SYN2: variants seen among roughly 807,000 people sequenced by gnomAD.
The protein encoded by SYN2 is synapsin-2.
SYN2 carries 19 observed loss-of-function variants against 50.9 expected under a neutral mutation model. The ratio of observed to expected loss-of-function variants is 0.37; its 90% CI spans 0.26 to 0.55. The LOEUF is 0.55. SYN2 is among the 20% of genes least tolerant of loss of function. The pLI is 0.81. For synonymous variants in SYN2, 255 were observed against 224.9 expected, an observed-to-expected ratio of 1.13 and a Z score of -1.20; for missense variants, 587 against 576.4, an observed-to-expected ratio of 1.02 and a Z score of -0.19.
intron 5 of SYN2, 139 bp from the exon 6 acceptor site, chr3:12,161,407 T>A: frequency 1.1e-6 from 1 of 951,178 alleles, no homozygotes; most frequent in East Asian, 2.6e-5. Context: ...GGGTCTCAGT[T>A]TTTTAATCTG....
intron 4 of SYN2, among the ~76,000 whole-genome samples, chr3:12,146,536 T>A (rs1697153703): frequency 6.6e-6 from 1 of 152,190 alleles, no homozygotes; most frequent in Admixed American, 6.5e-5. Flanking sequence ...AAGGAAGATA[T>A]CATTATTGTC....
intron 1 of SYN2, among the ~76,000 whole-genome samples, chr3:12,080,504 T>C (rs1425307968): frequency 6.6e-6 from 1 of 152,224 alleles, no homozygotes; most frequent in Admixed American, 6.5e-5. Flanking sequence ...ACATTGTCAC[T>C]TTGTTCTCGT....
intron 2 of SYN2, among the ~76,000 whole-genome samples, chr3:12,141,467 T>C (rs911561300): frequency 6.6e-5 from 10 of 152,224 alleles, no homozygotes; most frequent in African/African-American, 2.4e-4. Flanking sequence ...TTGCTTAATG[T>C]TTTATGCAGC....
At chr3:12,120,008 T>G (rs1696518059) in intron 1 of SYN2, among the ~76,000 whole-genome samples, 1 of 152,128 alleles carries the variant, frequency 6.6e-6, no homozygotes, top group African/African-American at 2.4e-5. Flanking sequence ...TCTGAATTTT[T>G]TTTCTAACAA....
chr3:12,020,826 A>C (rs918279854), intron 1 of SYN2, among the ~76,000 whole-genome samples: 5 of 152,340 alleles, frequency 3.3e-5, no homozygotes, highest in Non-Finnish European at 5.9e-5. Flanking sequence ...CCCTGTCTTC[A>C]CAAAGCCTAT....
At chr3:12,184,680 G>C (rs1288739689) in intron 11 of SYN2, 1 of 985,804 alleles carries the variant, frequency 1.0e-6, no homozygotes, top group Non-Finnish European at 1.2e-6. Context: ...CTCCACAGCG[G>C]TGGCTCTTGA....
intron 1 of SYN2, among the ~76,000 whole-genome samples, chr3:12,024,668 C>T (rs1408951335): frequency 6.6e-6 from 1 of 152,172 alleles, no homozygotes; most frequent in Non-Finnish European, 1.5e-5. Context: ...GAATATATCA[C>T]AGTTTATGCA....
At chr3:12,093,044 A>G (rs1325597665) in intron 1 of SYN2, among the ~76,000 whole-genome samples, 1 of 151,954 alleles carries the variant, frequency 6.6e-6, no homozygotes, top group Non-Finnish European at 1.5e-5. Flanking sequence ...TAAAGTTATT[A>G]TTTTTCCTCT....
At chr3:12,127,822 C>CTT (rs1308895562) in intron 1 of SYN2, among the ~76,000 whole-genome samples, 1 of 152,180 alleles carries the variant, frequency 6.6e-6, no homozygotes, top group African/African-American at 2.4e-5. Flanking sequence ...GAGGAGATCT[C>CTT]TTTTATTTCC....
At position 12,151,239 on chromosome 3, in the gene SYN2, T is replaced by C; in HGVS notation, c.687T>C (p.Phe229=). 1.9e-6 allele frequency: 3 copies of C among 1,611,266 alleles called. No individual in the cohort carries two copies. Among genetic ancestry groups the C allele is most frequent in the Non-Finnish European group, 2.5e-6 (3 of 1,178,822 alleles). ...TAACATTTGCTTTTCTTTTGCAGTT[T>C]GCCCAGCTGGTCGCTATCTATAAGA... The part of the protein sequence containing the change: ...IYNFCDKPWV[F]AQLVAIYKTL... The change falls in exon 5 of 13, where the codon TTT becomes TTC. Residue 229 remains phenylalanine, a splice_region_variant and synonymous_variant. Coordinates refer to ENST00000621198, the MANE Select transcript of SYN2 (RefSeq NM_133625.6).
At chr3:12,152,567 C>A (rs1366878153) in intron 5 of SYN2, among the ~76,000 whole-genome samples, 4 of 152,148 alleles carry the variant, frequency 2.6e-5, no homozygotes, top group Non-Finnish European at 2.9e-5. Flanking sequence ...CAGGTATATT[C>A]CCTACCTACC....
intron 10 of SYN2, among the ~76,000 whole-genome samples, chr3:12,176,358 C>G (rs568482688): frequency 2.6e-5 from 4 of 152,164 alleles, no homozygotes; most frequent in African/African-American, 9.6e-5. Context: ...TTTTATTTTC[C>G]TGTAAAATTC....
At chr3:12,152,736 A>G (rs1697337378) in intron 5 of SYN2, among the ~76,000 whole-genome samples, 1 of 152,224 alleles carries the variant, frequency 6.6e-6, no homozygotes, top group African/African-American at 2.4e-5. Context: ...AAGTTCTGAA[A>G]TAGGAATGAA....
intron 5 of SYN2, among the ~76,000 whole-genome samples, chr3:12,155,808 A>G (rs1697439821): frequency 6.6e-6 from 1 of 152,178 alleles, no homozygotes; most frequent in African/African-American, 2.4e-5. Context: ...CGGGCTAGAC[A>G]CACAGAGGGC....
chr3:12,176,052 C>T (rs1276662222), intron 10 of SYN2, among the ~76,000 whole-genome samples: 2 of 152,216 alleles, frequency 1.3e-5, no homozygotes, highest in African/African-American at 4.8e-5. Flanking sequence ...ACCTGGTGGT[C>T]ACTCATGGCC....
chr3:12,117,017 T>G (rs1012324141), intron 1 of SYN2, among the ~76,000 whole-genome samples: 1 of 152,108 alleles, frequency 6.6e-6, no homozygotes, highest in African/African-American at 2.4e-5. Context: ...TTTCAAAATA[T>G]GGAGATTATA....
intron 1 of SYN2, among the ~76,000 whole-genome samples, chr3:12,074,648 T>A (rs1695431999): frequency 6.6e-6 from 1 of 152,208 alleles, no homozygotes; most frequent in African/African-American, 2.4e-5. Flanking sequence ...TTTGTTGTTC[T>A]GTGGCTTGGA....
At chr3:12,047,805 T>C (rs1281535050) in intron 1 of SYN2, among the ~76,000 whole-genome samples, 1 of 152,218 alleles carries the variant, frequency 6.6e-6, no homozygotes, top group Non-Finnish European at 1.5e-5. Context: ...GTTCTGATGC[T>C]TTTCTCATTA....
Position 12,156,888 on chromosome 3 carries a change from G to T in SYN2, c.775-4658G>T, listed in dbSNP as rs201423861. On this transcript the variant is annotated intron_variant, in intron 5 of 12. Transcript: ENST00000621198. ...ACCACAGAGGGAAGAGTCAAAAGGCGTATAGATATACTGAACATCCTTGAC... is the reference window on the plus strand; with the variant it reads ...ACCACAGAGGGAAGAGTCAAAAGGCTTATAGATATACTGAACATCCTTGAC... 9 of 1,614,000 alleles carry T rather than the reference G, an allele frequency of 5.6e-6. No individual in the cohort carries two copies. Among genetic ancestry groups the T allele is most frequent in the African/African-American group, 2.7e-5 (2 of 74,896 alleles).
Sources: allele counts gnomAD v4.1 joint callset (sites outside exome capture counted in the v4.1 genomes callset), GRCh38; gene constraint gnomAD v4.1.1; transcripts MANE v1.5; gene names NCBI Gene and HGNC (gene_info 2026-07-23, HGNC 2026-07-21).